GRM8: variants seen among roughly 807,000 people sequenced by gnomAD.
GRM8 encodes metabotropic glutamate receptor 8.
In GRM8, 47 loss-of-function variants were observed where a neutral mutation model predicts 87.2. The observed-to-expected ratio is 0.54, with a 90% CI of 0.43 to 0.69. The LOEUF is 0.69. GRM8 is among the 30% of genes least tolerant of loss of function. The pLI, the probability that GRM8 is intolerant of heterozygous loss-of-function variation, is 0.00. For missense variants in GRM8, 1,019 were observed against 1,139.2 expected (o/e 0.89, Z 1.52); for synonymous variants, 396 against 404.5 (o/e 0.98, Z 0.25).
intron 2 of GRM8, among the ~76,000 whole-genome samples, chr7:127,112,501 A>C (rs1826432794): frequency 6.6e-6 from 1 of 152,258 alleles, no homozygotes; most frequent in Non-Finnish European, 1.5e-5. Flanking sequence ...ATATTCATTG[A>C]AAGTAAAATG....
intron 2 of GRM8, among the ~76,000 whole-genome samples, chr7:127,188,090 TC>T (rs905721084): frequency 1.3e-5 from 2 of 152,330 alleles, no homozygotes; most frequent in African/African-American, 4.8e-5. Context: ...AAAATTCCTT[TC>T]TTTGACATGC....
At chr7:127,204,093 G>T (rs1020678868) in intron 2 of GRM8, among the ~76,000 whole-genome samples, 1 of 151,594 alleles carries the variant, frequency 6.6e-6, no homozygotes, top group East Asian at 1.9e-4. Flanking sequence ...AAAATAGCAG[G>T]ACTCAAGCCA....
At chr7:126,941,895 C>A (rs1330431743) in intron 3 of GRM8, among the ~76,000 whole-genome samples, 1 of 152,118 alleles carries the variant, frequency 6.6e-6, no homozygotes, top group Non-Finnish European at 1.5e-5. Context: ...TATTTTCTTC[C>A]AAATATATAG....
chr7:127,099,719 G>A (rs1288650018), intron 3 of GRM8, among the ~76,000 whole-genome samples: 4 of 152,018 alleles, frequency 2.6e-5, no homozygotes, highest in Non-Finnish European at 5.9e-5. Flanking sequence ...TGTCCTCCTA[G>A]CCCAAATCCC....
chr7:127,146,177 C>T (rs1046388358), intron 2 of GRM8, among the ~76,000 whole-genome samples: 1 of 151,980 alleles, frequency 6.6e-6, no homozygotes, highest in Non-Finnish European at 1.5e-5. Context: ...ATCTACTCTG[C>T]TTTGTTTTTT....
At chr7:126,689,299 A>T (rs1249188503) in intron 7 of GRM8, among the ~76,000 whole-genome samples, 5 of 152,186 alleles carry the variant, frequency 3.3e-5, no homozygotes, top group African/African-American at 1.2e-4. Flanking sequence ...CCCTGTGCAC[A>T]ATGGTAACTT....
chr7:127,210,770 A>G (rs940017356), intron 2 of GRM8, among the ~76,000 whole-genome samples: 1 of 152,208 alleles, frequency 6.6e-6, no homozygotes, highest in African/African-American at 2.4e-5. Context: ...CTTTGGTTTC[A>G]TAGAAAATAA....
At chr7:127,018,428 T>TC in intron 3 of GRM8, among the ~76,000 whole-genome samples, 1 of 151,396 alleles carries the variant, frequency 6.6e-6, no homozygotes, top group Admixed American at 6.6e-5. Context: ...TTTTTTTTTT[T>TC]TTTACCATTT....
At chr7:126,629,650 A>C (rs1310411994) in intron 7 of GRM8, among the ~76,000 whole-genome samples, 3 of 152,166 alleles carry the variant, frequency 2.0e-5, no homozygotes, top group Non-Finnish European at 4.4e-5. Context: ...TCTGACAATA[A>C]TTTATGGATT....
intron 3 of GRM8, among the ~76,000 whole-genome samples, chr7:126,924,832 T>A (rs984465699): frequency 5.3e-5 from 8 of 152,174 alleles, no homozygotes; most frequent in African/African-American, 1.9e-4. Context: ...AAGAGGTCAC[T>A]GGCCCTTATA....
intron 3 of GRM8, among the ~76,000 whole-genome samples, chr7:127,086,126 A>T (rs1308557788): frequency 6.6e-6 from 1 of 152,122 alleles, no homozygotes; most frequent in East Asian, 1.9e-4. Flanking sequence ...TTTGAGATGG[A>T]GTCTCGCTCT....
intron 2 of GRM8, among the ~76,000 whole-genome samples, chr7:127,142,406 C>T (rs146065033): frequency 2.6e-5 from 4 of 152,236 alleles, no homozygotes; most frequent in Non-Finnish European, 4.4e-5. Context: ...GAAGTCCCAA[C>T]GACACAAGCC....
At chr7:126,542,670 G>A (rs145311259) in intron 8 of GRM8, among the ~76,000 whole-genome samples, 175 of 152,290 alleles carry the variant, frequency 1.1e-3, no homozygotes, top group Non-Finnish European at 2.2e-3. Flanking sequence ...ACCATATAAC[G>A]AAGGGCTTTG....
intron 3 of GRM8, among the ~76,000 whole-genome samples, chr7:127,103,225 C>T (rs1055108283): frequency 6.6e-6 from 1 of 152,136 alleles, no homozygotes; most frequent in African/African-American, 2.4e-5. Flanking sequence ...TGAGAGGAGC[C>T]AAGGTGGAAT....
At chr7:127,100,072 C>T (rs1315176243) in intron 3 of GRM8, among the ~76,000 whole-genome samples, 2 of 152,092 alleles carry the variant, frequency 1.3e-5, no homozygotes, top group African/African-American at 4.8e-5. Flanking sequence ...CTAATAGAGG[C>T]AAGGAGGGAT....
At position 126,496,559 on chromosome 7, in the gene GRM8, C is replaced by T. The variant is rs147463251; in HGVS notation, c.2430+36393G>A. On this transcript the variant is annotated intron_variant, in intron 9 of 10. Transcript: ENST00000339582. Reference sequence around the variant, plus strand: ...TCACTTGCACTTAGATGCTAACAGACTTTTCTGAACGAGGAAATGTTCACT... The same window carrying T: ...TCACTTGCACTTAGATGCTAACAGATTTTTCTGAACGAGGAAATGTTCACT... 1.9e-3 allele frequency among the ~76,000 whole-genome samples: 283 copies of T among 152,120 alleles called. 2 individuals are homozygous for T. Among genetic ancestry groups the T allele is most frequent in the African/African-American group, 6.5e-3 (269 of 41,548 alleles).
intron 9 of GRM8, among the ~76,000 whole-genome samples, chr7:126,520,509 G>C (rs1471005809): frequency 1.3e-5 from 2 of 152,066 alleles, no homozygotes; most frequent in South Asian, 2.1e-4. Flanking sequence ...TCTAGCAGGA[G>C]ATATGTGAAT....
At chr7:126,717,777 T>C (rs1188667251) in intron 7 of GRM8, among the ~76,000 whole-genome samples, 3 of 152,172 alleles carry the variant, frequency 2.0e-5, no homozygotes, top group Non-Finnish European at 4.4e-5. Flanking sequence ...ATTATTTTGG[T>C]TAATATCGGA....
chr7:126,464,066 C>T (rs1201072167), intron 9 of GRM8, among the ~76,000 whole-genome samples: 1 of 151,568 alleles, frequency 6.6e-6, no homozygotes, highest in Non-Finnish European at 1.5e-5. Flanking sequence ...GTATCTTCTT[C>T]TGAAAGTGAT....
Sources: allele counts gnomAD v4.1 joint callset (sites outside exome capture counted in the v4.1 genomes callset), GRCh38; gene constraint gnomAD v4.1.1; transcripts MANE v1.5; gene names NCBI Gene and HGNC (gene_info 2026-07-23, HGNC 2026-07-21).